Variants in PCDH19 observed in about 807,000 individuals in gnomAD.
PCDH19 encodes protocadherin 19.
Under a neutral mutation model 46.2 loss-of-function variants are expected in PCDH19, and 6 were observed. That is an observed-to-expected ratio of 0.13 (90% CI 0.07 to 0.26). PCDH19 has a LOEUF of 0.26. Ranked by LOEUF, PCDH19 falls within the 10% of genes least tolerant of loss-of-function variation. The pLI is 1.00. For missense variants in PCDH19, 740 were observed against 972.3 expected, an observed-to-expected ratio of 0.76 and a Z score of 3.18; for synonymous variants, 481 against 415.7, an observed-to-expected ratio of 1.16 and a Z score of -1.91.
chrX:100,406,531 C>T lies in PCDH19; in HGVS notation c.2067G>A (p.Ala689=). 1 of 1,208,502 alleles carries T rather than the reference C, an allele frequency of 8.3e-7. No homozygotes were observed. Among genetic ancestry groups the T allele is most frequent in the Non-Finnish European group, 1.1e-6 (1 of 893,773 alleles). Reference sequence around the variant, plus strand: ...AGATCATAGTTACAAAGAGGATGCCCGCAATGGAGCCCAGGGCAATAATGA... The same window carrying T: ...AGATCATAGTTACAAAGAGGATGCCTGCAATGGAGCCCAGGGCAATAATGA... The part of the protein sequence containing the change: ...LIFIIALGSI[A]GILFVTMIFV... The change falls in exon 1 of 6, where the codon GCG becomes GCA. Residue 689 remains alanine (A), a synonymous_variant. Coordinates refer to ENST00000373034, the MANE Select transcript of PCDH19 (RefSeq NM_001184880.2).
intron 3 of PCDH19, among the ~76,000 whole-genome samples, chrX:100,393,267 T>C (rs776679480): frequency 2.7e-5 from 3 of 110,098 alleles, no homozygotes; most frequent in Non-Finnish European, 5.7e-5. Flanking sequence ...ACTAAGCTTA[T>C]GAGCATTTCC....
intron 5 of PCDH19, among the ~76,000 whole-genome samples, chrX:100,340,089 G>A (rs889198731): frequency 2.7e-5 from 3 of 111,387 alleles, no homozygotes; most frequent in Non-Finnish European, 5.7e-5. Context: ...TACCTATATG[G>A]AGACTGGTGG....
At chrX:100,342,602 A>G (rs778986350) in intron 4 of PCDH19, among the ~76,000 whole-genome samples, 143 of 112,112 alleles carry the variant, frequency 1.3e-3, no homozygotes, top group African/African-American at 4.4e-3. Context: ...ACAGCTGGTA[A>G]AAAATATAGC....
At chrX:100,310,645 T>A (rs2147457978) in intron 5 of PCDH19, among the ~76,000 whole-genome samples, 1 of 110,141 alleles carries the variant, frequency 9.1e-6, no homozygotes, top group African/African-American at 3.3e-5. Flanking sequence ...GGACCGTTTT[T>A]GAAAGTTTCA....
At chrX:100,321,622 T>G (rs1470618384) in intron 5 of PCDH19, among the ~76,000 whole-genome samples, 1 of 109,652 alleles carries the variant, frequency 9.1e-6, no homozygotes, top group African/African-American at 3.3e-5. Context: ...GGATTGTTTG[T>G]TTGTTTCTCA....
chrX:100,357,900 G>GAGA (rs1189376056), intron 3 of PCDH19, among the ~76,000 whole-genome samples: 1 of 112,047 alleles, frequency 8.9e-6, no homozygotes, highest in Non-Finnish European at 1.9e-5. Flanking sequence ...TGAATGATCA[G>GAGA]AGAAGAGATG....
intron 5 of PCDH19, among the ~76,000 whole-genome samples, chrX:100,318,987 G>GAA (rs368349755): frequency 2.3e-4 from 24 of 102,233 alleles, no homozygotes; most frequent in Non-Finnish European, 2.8e-4. Flanking sequence ...CATCATTTAA[G>GAA]AAAAAAAAAA....
At chrX:100,318,222 A>C (rs1440975818) in intron 5 of PCDH19, among the ~76,000 whole-genome samples, 1 of 112,106 alleles carries the variant, frequency 8.9e-6, no homozygotes, top group Admixed American at 9.4e-5. Context: ...ATCCTATAGA[A>C]GTTACTTAAA....
intron 3 of PCDH19, among the ~76,000 whole-genome samples, chrX:100,372,968 A>G (rs746010661): frequency 7.8e-4 from 88 of 112,628 alleles, no homozygotes; most frequent in Non-Finnish European, 1.2e-3. Flanking sequence ...TAGATGTTTA[A>G]TTAACATCCT....
intron 4 of PCDH19, among the ~76,000 whole-genome samples, chrX:100,348,215 G>A (rs761466586): frequency 1.8e-5 from 2 of 111,393 alleles, no homozygotes; most frequent in African/African-American, 6.5e-5. Flanking sequence ...GGCCAAGAGC[G>A]TTTACCATGC....
At chrX:100,386,340 G>C (rs906287199) in intron 3 of PCDH19, among the ~76,000 whole-genome samples, 1 of 111,298 alleles carries the variant, frequency 9.0e-6, no homozygotes, top group African/African-American at 3.3e-5. Flanking sequence ...GCTTAGTAGG[G>C]CTCTCTTCAC....
chrX:100,308,046 T>C (rs1221939192), intron 5 of PCDH19, among the ~76,000 whole-genome samples: 2 of 110,521 alleles, frequency 1.8e-5, no homozygotes, highest in African/African-American at 6.6e-5. Context: ...AAAACAATCC[T>C]AAAATTCATA....
chrX:100,386,342 T>C (rs1202250659), intron 3 of PCDH19, among the ~76,000 whole-genome samples: 1 of 111,489 alleles, frequency 9.0e-6, no homozygotes, highest in African/African-American at 3.3e-5. Context: ...TTAGTAGGGC[T>C]CTCTTCACAG....
At chrX:100,332,305 T>C (rs1380198060) in intron 5 of PCDH19, among the ~76,000 whole-genome samples, 1 of 111,890 alleles carries the variant, frequency 8.9e-6, no homozygotes, top group East Asian at 2.8e-4. Flanking sequence ...GTGGATCACC[T>C]GAGGTCAGGA....
chrX:100,396,628 T>C (rs1470608044), intron 3 of PCDH19, among the ~76,000 whole-genome samples: 1 of 111,962 alleles, frequency 8.9e-6, no homozygotes, highest in Non-Finnish European at 1.9e-5. Flanking sequence ...GGAATGATAA[T>C]AATAAATTAG....
At chrX:100,299,054 G>C (rs1428003778) in intron 5 of PCDH19, among the ~76,000 whole-genome samples, 1 of 111,266 alleles carries the variant, frequency 9.0e-6, no homozygotes, top group Non-Finnish European at 1.9e-5. Flanking sequence ...GTTGCAGGTG[G>C]GGGAAAAGTT....
At chrX:100,384,524 TTC>T (rs1602621830) in intron 3 of PCDH19, among the ~76,000 whole-genome samples, 2 of 111,174 alleles carry the variant, frequency 1.8e-5, no homozygotes, top group Non-Finnish European at 3.8e-5. Context: ...AAGATATATA[TTC>T]TCTTTTTCCC....
intron 5 of PCDH19, among the ~76,000 whole-genome samples, chrX:100,316,908 T>C (rs753822538): frequency 4.5e-5 from 5 of 112,034 alleles, no homozygotes; most frequent in South Asian, 7.5e-4. Context: ...ACAATTTCAA[T>C]AGATATTTTA....
intron 5 of PCDH19, among the ~76,000 whole-genome samples, chrX:100,312,995 T>TCA (rs1030380578): frequency 1.1e-4 from 12 of 109,490 alleles, no homozygotes; most frequent in Middle Eastern, 4.7e-3. Flanking sequence ...GGCCACAAAA[T>TCA]CACACACACA....
Sources: allele counts gnomAD v4.1 joint callset (sites outside exome capture counted in the v4.1 genomes callset), GRCh38; gene constraint gnomAD v4.1.1; transcripts MANE v1.5; gene names NCBI Gene and HGNC (gene_info 2026-07-23, HGNC 2026-07-21).